The following ST7 variants were observed in gnomAD, a reference collection of about 807,000 sequenced individuals.
ST7 encodes the protein suppressor of tumorigenicity 7 protein.
In ST7, 28 loss-of-function variants were observed where a neutral mutation model predicts 78.7. That is an observed-to-expected ratio of 0.36 (90% CI 0.26 to 0.49). The LOEUF (loss-of-function observed/expected upper bound fraction) is 0.49, where lower values mean the gene tolerates loss of function less well. Ranked by LOEUF, ST7 falls within the 20% of genes least tolerant of loss-of-function variation. The pLI, the probability that ST7 is intolerant of heterozygous loss-of-function variation, is 0.99. For synonymous variants in ST7, 247 were observed against 249.6 expected (o/e 0.99, Z 0.10); for missense variants, 418 against 696.0 (o/e 0.60, Z 4.49).
At chr7:117,048,708 T>C (rs780798318) in intron 1 of ST7, among the ~76,000 whole-genome samples, 2 of 152,224 alleles carry the variant, frequency 1.3e-5, no homozygotes, top group Non-Finnish European at 2.9e-5. Flanking sequence ...CAGTTTTCTC[T>C]AGCAGGAAGT....
At chr7:117,185,368 C>G (rs186196870) in intron 10 of ST7, among the ~76,000 whole-genome samples, 1 of 152,140 alleles carries the variant, frequency 6.6e-6, no homozygotes, top group Admixed American at 6.5e-5. Flanking sequence ...AGAATTCTTC[C>G]CTCTAGCATC....
At chr7:117,024,091 G>A (rs1264476965) in intron 1 of ST7, among the ~76,000 whole-genome samples, 2 of 151,950 alleles carry the variant, frequency 1.3e-5, no homozygotes, top group East Asian at 3.8e-4. Context: ...TGGGATTATA[G>A]GTGTAAGCCA....
At chr7:117,221,141 C>T (rs889587264) in intron 14 of ST7, among the ~76,000 whole-genome samples, 9 of 152,156 alleles carry the variant, frequency 5.9e-5, no homozygotes, top group Non-Finnish European at 7.4e-5. Context: ...GAGAAGGAGG[C>T]GATTCTCTTG....
chr7:116,956,507 C>A (rs1156995557), intron 1 of ST7: 4 of 471,088 alleles, frequency 8.5e-6, no homozygotes, highest in Admixed American at 2.3e-5. Context: ...TAGGGAGTTG[C>A]AGATGGCGCA....
chr7:117,005,987 A>G (rs887505539), intron 1 of ST7, among the ~76,000 whole-genome samples: 15 of 152,192 alleles, frequency 9.9e-5, no homozygotes, highest in African/African-American at 3.6e-4. Flanking sequence ...AGCTCCTGAC[A>G]CTTTACCATT....
chr7:117,169,944 AC>A (rs1178826739), intron 9 of ST7, among the ~76,000 whole-genome samples: 1 of 151,516 alleles, frequency 6.6e-6, no homozygotes, highest in Non-Finnish European at 1.5e-5. Context: ...TATGTAGGCC[AC>A]CAGGCAGAAA....
chr7:117,074,444 C>T, intron 1 of ST7, among the ~76,000 whole-genome samples: 1 of 152,056 alleles, frequency 6.6e-6, no homozygotes, highest in Non-Finnish European at 1.5e-5. Flanking sequence ...GGATCTTTTC[C>T]CCCTCATAGA....
chr7:117,184,234 CAGTG>C (rs1809030879), intron 10 of ST7: 1 of 152,190 alleles, frequency 6.6e-6, no homozygotes, highest in African/African-American at 2.4e-5. Flanking sequence ...CTTGTTTCTG[CAGTG>C]AGTAATGGAA....
intron 10 of ST7, among the ~76,000 whole-genome samples, chr7:117,181,925 C>T (rs143515006): frequency 6.6e-6 from 1 of 152,122 alleles, no homozygotes. Context: ...TTAAACAAAG[C>T]ATTTGGTAAT....
At chr7:117,014,080 G>C (rs1368032846) in intron 1 of ST7, among the ~76,000 whole-genome samples, 1 of 152,166 alleles carries the variant, frequency 6.6e-6, no homozygotes, top group African/African-American at 2.4e-5. Flanking sequence ...TAAACAGTTA[G>C]TACCTCATCT....
chr7:116,960,815 CTT>C, intron 1 of ST7, among the ~76,000 whole-genome samples: 1 of 152,162 alleles, frequency 6.6e-6, no homozygotes, highest in African/African-American at 2.4e-5. Context: ...TGCAGAGGCT[CTT>C]TAGTTTAGAT....
At position 117,204,227 on chromosome 7, in the gene ST7, A is replaced by G. The variant is rs118126387; in HGVS notation, c.1255-5560A>G. Among the ~76,000 whole-genome samples the G allele has an allele frequency of 2.7e-3, 414 of 152,342 alleles. 5 individuals are homozygous for G. Among genetic ancestry groups the G allele is most frequent in the African/African-American group, 9.3e-3 (385 of 41,562 alleles). On this transcript the variant is annotated intron_variant, in intron 12 of 15. Coordinates refer to ENST00000323984, the MANE Select transcript of ST7 (RefSeq NM_001369598.1). ...GAAAACACAAATTACCTCTACAGTA[A>G]TATGAACATTTAATTTTTTTGGTAG...
Position 117,014,921 on chromosome 7 carries a change from G to T in ST7, c.151+61230G>T. 3 of 1,247,488 alleles carry T rather than the reference G, an allele frequency of 2.4e-6. 1 individual carries two copies. In the South Asian group the frequency reaches 9.3e-5, roughly 39 times the overall value. 77.3% of individuals were successfully genotyped at this position (1,247,488 alleles called of 1,614,324 possible). On this transcript the variant is annotated intron_variant, in intron 1 of 15. Transcript: ENST00000323984. The stretch of plus-strand genomic sequence containing the variant: ...GCAGGAGGCTTCCCCAGAACGGTTC[G>T]TCAGTCCAGGGAGCCGTTTCATTTT...
intron 1 of ST7, chr7:116,959,489 C>T (rs1792709592): frequency 6.9e-6 from 2 of 289,892 alleles, no homozygotes; most frequent in African/African-American, 2.3e-5. Context: ...AGGTCCTTAT[C>T]ATTCACTGGA....
chr7:116,978,020 C>T (rs1793782428), intron 1 of ST7, among the ~76,000 whole-genome samples: 1 of 152,206 alleles, frequency 6.6e-6, no homozygotes, highest in South Asian at 2.1e-4. Context: ...CACTTCTCTC[C>T]TCAGTTCTCT....
intron 12 of ST7, among the ~76,000 whole-genome samples, chr7:117,193,282 A>G (rs1809974075): frequency 6.6e-6 from 1 of 152,278 alleles, no homozygotes; most frequent in Admixed American, 6.5e-5. Flanking sequence ...CTTAAAGATC[A>G]TCTAGGTCAC....
chr7:117,005,840 T>A (rs753029599), intron 1 of ST7, among the ~76,000 whole-genome samples: 2 of 152,214 alleles, frequency 1.3e-5, no homozygotes, highest in Non-Finnish European at 2.9e-5. Context: ...TAATTAGGTA[T>A]TTTAACATTC....
chr7:117,190,857 G>A lies in ST7; in HGVS notation c.1175G>A (p.Arg392Gln), dbSNP rs1249450600. 7 of 1,613,886 alleles carry A rather than the reference G, an allele frequency of 4.3e-6. No homozygotes were observed. Among genetic ancestry groups the A allele is most frequent in the Non-Finnish European group, 5.1e-6 (6 of 1,179,992 alleles). Residue 392 changes from arginine (R) to glutamine (Q), a missense_variant, in exon 12 of 16, where the codon CGG (arginine) becomes CAG (glutamine). Arg to Gln is a conservative substitution (Grantham distance 43). Coordinates refer to ENST00000323984, the MANE Select transcript of ST7 (RefSeq NM_001369598.1). The surrounding 1 kb of genome is among the most constrained non-coding windows in gnomAD (Gnocchi z 5.2). Reference sequence around the variant, plus strand: ...AGATTCTCTCCTGAGGCTGCATCTCGGCGGGGGCTGAGCACAGCAGAGATG... The same window carrying A: ...AGATTCTCTCCTGAGGCTGCATCTCAGCGGGGGCTGAGCACAGCAGAGATG... ...SDKFSPEAAS[R>Q]RGLSTAEMNA... is the part of the protein sequence containing the mutation.
chr7:117,191,443 T>C (rs1809771003), intron 12 of ST7, among the ~76,000 whole-genome samples: 1 of 152,206 alleles, frequency 6.6e-6, no homozygotes, highest in East Asian at 1.9e-4. Flanking sequence ...TAAGTGTATA[T>C]AGTAGAAAAT....
Sources: allele counts gnomAD v4.1 joint callset (sites outside exome capture counted in the v4.1 genomes callset), GRCh38; gene constraint gnomAD v4.1.1; non-coding constraint Gnocchi (gnomAD v3.1); transcripts MANE v1.5; gene names NCBI Gene and HGNC (gene_info 2026-07-23, HGNC 2026-07-21).